Variants in GFRA2 observed in about 807,000 individuals in gnomAD.
The protein encoded by GFRA2 is GDNF family receptor alpha 2.
Under a neutral mutation model 48.3 loss-of-function variants are expected in GFRA2, and 17 were observed. The ratio of observed to expected loss-of-function variants is 0.35; its 90% confidence interval spans 0.24 to 0.53. The LOEUF (loss-of-function observed/expected upper bound fraction) is 0.53. Among genes scored for constraint, GFRA2 ranks in the 20% least tolerant of loss-of-function variants. GFRA2 has a pLI of 0.93. For missense variants in GFRA2, 660 were observed against 637.3 expected (o/e 1.04, Z -0.38); for synonymous variants, 305 against 257.2 (o/e 1.19, Z -1.78).
At chr8:21,808,815 C>G (rs1563273505) in intron 1 of GFRA2, among the ~76,000 whole-genome samples, 1 of 152,200 alleles carries the variant, frequency 6.6e-6, no homozygotes, top group Non-Finnish European at 1.5e-5. Context: ...GGCCCTGAAG[C>G]CAAGGTTGAA....
chr8:21,742,737 G>A (rs1167893469), intron 4 of GFRA2, among the ~76,000 whole-genome samples: 2 of 152,200 alleles, frequency 1.3e-5, no homozygotes, highest in Non-Finnish European at 2.9e-5. Flanking sequence ...GATTCTCCCT[G>A]TGTAAGTGAC....
chr8:21,707,735 G>A (rs75993429), intron 4 of GFRA2, among the ~76,000 whole-genome samples: 1,738 of 152,286 alleles, frequency 0.011, 22 homozygotes, highest in African/African-American at 0.039. Context: ...ACTTTAAAAG[G>A]CACTTTAACT....
chr8:21,723,137 C>A (rs1803685837), intron 4 of GFRA2, among the ~76,000 whole-genome samples: 1 of 152,162 alleles, frequency 6.6e-6, no homozygotes, highest in East Asian at 1.9e-4. Context: ...GATAAAGCAT[C>A]CAGGTAGACT....
rs781742383 is a variant in GFRA2 at position 21,694,451 on chromosome 8, G to A, written c.1272+13C>T. 4 of 1,610,422 alleles carry A rather than the reference G, an allele frequency of 2.5e-6. No homozygotes were observed. The South Asian group carries it at 4.4e-5, about 18-fold the overall frequency. ...AGCCTTCTGCACCCATCCCCACTCTGCCCCCAACTCACCTCTGTGAAGCAC... is the reference window on the plus strand; with the variant it reads ...AGCCTTCTGCACCCATCCCCACTCTACCCCCAACTCACCTCTGTGAAGCAC... On this transcript the variant is annotated intron_variant, in intron 8 of 8. Coordinates refer to ENST00000524240, the MANE Select transcript of GFRA2 (RefSeq NM_001495.5).
At chr8:21,799,000 T>C (rs1807724458) in intron 2 of GFRA2, among the ~76,000 whole-genome samples, 2 of 152,330 alleles carry the variant, frequency 1.3e-5, no homozygotes, top group African/African-American at 4.8e-5. Flanking sequence ...GGCTGGCCCA[T>C]GATAACTGCC....
intron 2 of GFRA2, among the ~76,000 whole-genome samples, chr8:21,801,722 G>T (rs1807774333): frequency 6.6e-6 from 1 of 152,082 alleles, no homozygotes; most frequent in African/African-American, 2.4e-5. Context: ...GCCCCTGCTG[G>T]AATCTGACAA....
rs192622561 is a variant in GFRA2 at position 21,701,275 on chromosome 8, T to A, written c.1218+1530A>T. Among the ~76,000 whole-genome samples the A allele has an allele frequency of 9.1e-3, 1,391 of 152,250 alleles. 20 individuals carry two copies. Among genetic ancestry groups the A allele is most frequent in the African/African-American group, 0.027 (1,116 of 41,552 alleles). On this transcript the variant is annotated intron_variant, in intron 7 of 8. Transcript: ENST00000524240. ...TGGGCATGTTGGCGGGTGCCTGTAG[T>A]CCCAGCTACTCGGGAGGCTGAGGCA...
chr8:21,741,784 T>C (rs1202259594), intron 4 of GFRA2, among the ~76,000 whole-genome samples: 4 of 151,890 alleles, frequency 2.6e-5, no homozygotes, highest in Non-Finnish European at 5.9e-5. Flanking sequence ...TAGCCAGGTG[T>C]GGTGGTGCGT....
chr8:21,775,102 C>T (rs1181637793), intron 2 of GFRA2, 47 bp from the exon 3 acceptor site: 24 of 950,704 alleles, frequency 2.5e-5, no homozygotes, highest in African/African-American at 8.0e-5. Context: ...CGGGCCAGAG[C>T]GCTGCCGGCA....
chr8:21,799,044 T>C (rs918206478), intron 2 of GFRA2, among the ~76,000 whole-genome samples: 3 of 152,206 alleles, frequency 2.0e-5, no homozygotes, highest in Non-Finnish European at 2.9e-5. Context: ...GGGCAAATGA[T>C]GCCTCTAACC....
At chr8:21,712,711 G>A (rs1453303814) in intron 4 of GFRA2, among the ~76,000 whole-genome samples, 1 of 152,198 alleles carries the variant, frequency 6.6e-6, no homozygotes, top group Non-Finnish European at 1.5e-5. Context: ...CTCCAGCCTG[G>A]GCACCATTGA....
rs144777328 is a variant in GFRA2, at chr8:21,726,088, C to G, written c.795-20047G>C. On this transcript the variant is annotated intron_variant, in intron 4 of 8. Coordinates refer to ENST00000524240, the MANE Select transcript of GFRA2 (RefSeq NM_001495.5). Reference sequence around the variant, plus strand: ...CTGCCCTCAAAACAGTGGTCTATCTCCAGCACCTCCCTCTGCCAAGAACAC... The same window carrying G: ...CTGCCCTCAAAACAGTGGTCTATCTGCAGCACCTCCCTCTGCCAAGAACAC... Among the ~76,000 whole-genome samples, 421 of 152,318 alleles carry G rather than the reference C, an allele frequency of 2.8e-3. 2 individuals are homozygous for G. Among genetic ancestry groups the G allele is most frequent in the African/African-American group, 9.6e-3 (397 of 41,562 alleles).
chr8:21,718,522 G>A (rs1407182782), intron 4 of GFRA2, among the ~76,000 whole-genome samples: 1 of 152,180 alleles, frequency 6.6e-6, no homozygotes, highest in Admixed American at 6.5e-5. Context: ...AACACAGTGG[G>A]CACTCCCTCA....
At chr8:21,760,444 G>C (rs1488428070) in intron 3 of GFRA2, among the ~76,000 whole-genome samples, 1 of 152,190 alleles carries the variant, frequency 6.6e-6, no homozygotes, top group African/African-American at 2.4e-5. Flanking sequence ...CTTGCATTTT[G>C]AGTGGGAGGA....
chr8:21,702,284 C>T (rs1354788196), intron 7 of GFRA2, among the ~76,000 whole-genome samples: 1 of 152,158 alleles, frequency 6.6e-6, no homozygotes, highest in Non-Finnish European at 1.5e-5. Flanking sequence ...GTCAGCTGCT[C>T]CTGAGCAGGG....
At chr8:21,803,044 A>G (rs897313330) in intron 2 of GFRA2, among the ~76,000 whole-genome samples, 4 of 152,358 alleles carry the variant, frequency 2.6e-5, no homozygotes, top group East Asian at 3.9e-4. Context: ...TTATTGCTGC[A>G]GCAACAAACT....
intron 4 of GFRA2, among the ~76,000 whole-genome samples, chr8:21,728,674 C>T (rs1166859544): frequency 6.6e-6 from 1 of 152,172 alleles, no homozygotes; most frequent in Non-Finnish European, 1.5e-5. Context: ...ATGCAGCCCT[C>T]AGAATAGGCC....
At position 21,797,314 on chromosome 8, in the gene GFRA2, A is replaced by G. The variant is rs1200300249; in HGVS notation, c.-36+7703T>C. The G allele has an allele frequency of 4.9e-4, 36 of 73,302 alleles. 1 individual carries two copies. The highest frequency in any genetic ancestry group is 2.0e-4 in the Non-Finnish European group (8 of 39,756). 4.5% of individuals were successfully genotyped at this position (73,302 alleles called of 1,614,324 possible). On this transcript the variant is annotated intron_variant, in intron 2 of 10. Coordinates refer to the GFRA2 transcript ENST00000517328. ...TTTTTTTTTTTTTTTTTTTTTTGAC[A>G]TGGTCTCACTTTGTCACCCAGGCTG...
intron 3 of GFRA2, 70 bp downstream of exon 3, chr8:21,774,902 C>T: frequency 1.2e-6 from 1 of 855,536 alleles, no homozygotes; most frequent in East Asian, 2.5e-5. Flanking sequence ...CTGTCCAAGC[C>T]CAGAGCTCCA....
Sources: allele counts gnomAD v4.1 joint callset (sites outside exome capture counted in the v4.1 genomes callset), GRCh38; gene constraint gnomAD v4.1.1; transcripts MANE v1.5; gene names NCBI Gene and HGNC (gene_info 2026-07-23, HGNC 2026-07-21).